Variants in SRGAP1 observed in about 807,000 individuals in gnomAD.
SRGAP1 encodes SLIT-ROBO Rho GTPase-activating protein 1.
Under a neutral mutation model 121.9 loss-of-function variants are expected in SRGAP1, and 43 were observed. The observed-to-expected ratio is 0.35, with a 90% CI of 0.28 to 0.46. The LOEUF (loss-of-function observed/expected upper bound fraction) is 0.46, where lower values mean the gene tolerates loss of function less well. SRGAP1 is among the 20% of genes least tolerant of loss of function. The probability of loss-of-function intolerance (pLI) is 1.00; values close to 1 mark genes in which losing one functional copy is unlikely to be tolerated. For synonymous variants in SRGAP1, 447 were observed against 485.4 expected (o/e 0.92, Z 1.04); for missense variants, 1,102 against 1,350.9 (o/e 0.82, Z 2.89).
chr12:64,057,621 A>G (rs912287514), intron 6 of SRGAP1, among the ~76,000 whole-genome samples: 1 of 152,184 alleles, frequency 6.6e-6, no homozygotes, highest in Non-Finnish European at 1.5e-5. Context: ...GAGTGGATAG[A>G]GTCTATACCC....
chr12:63,847,317 T>C (rs1337403194), intron 1 of SRGAP1, among the ~76,000 whole-genome samples: 1 of 152,078 alleles, frequency 6.6e-6, no homozygotes, highest in Admixed American at 6.6e-5. Context: ...AGTGAGACTC[T>C]GTCTAATAAA....
chr12:64,124,812 CA>C (rs1306085733), intron 18 of SRGAP1, among the ~76,000 whole-genome samples: 1 of 151,898 alleles, frequency 6.6e-6, no homozygotes, highest in Non-Finnish European at 1.5e-5. Context: ...TGTAGATTCA[CA>C]AGCTGTTGTA....
chr12:64,095,065 G>C lies in SRGAP1; in HGVS notation c.1601-62G>C, dbSNP rs74502441. 2.5e-3 allele frequency: 4,073 copies of C among 1,609,302 alleles called. 87 individuals carry two copies. In the African/African-American group the frequency reaches 0.047, roughly 18 times the overall value. On this transcript the variant is annotated intron_variant, in intron 13 of 21. Transcript: ENST00000355086. ...GTGTTTCAGTAAATTTACTTCCTGG[G>C]AAAAGAGGGACCTAGACAATGTGAT...
intron 1 of SRGAP1, among the ~76,000 whole-genome samples, chr12:63,931,696 G>A (rs1054799438): frequency 6.6e-6 from 1 of 152,186 alleles, no homozygotes; most frequent in African/African-American, 2.4e-5. Context: ...AAGGCTGTGT[G>A]TTCAGAAAAA....
At chr12:64,019,305 TTATCAA>T (rs895401067) in intron 4 of SRGAP1, among the ~76,000 whole-genome samples, 7 of 152,156 alleles carry the variant, frequency 4.6e-5, no homozygotes, top group African/African-American at 1.4e-4. Context: ...CTCAGAACTC[TTATCAA>T]TATCAGCCTG....
intron 1 of SRGAP1, among the ~76,000 whole-genome samples, chr12:63,950,500 G>C (rs2032252488): frequency 6.6e-6 from 1 of 151,800 alleles, no homozygotes; most frequent in Non-Finnish European, 1.5e-5. Flanking sequence ...CAGGATGATG[G>C]CTCTAACGTG....
At chr12:64,080,411 A>ATATAT in intron 10 of SRGAP1, 41 bp downstream of exon 10, 1 of 1,401,672 alleles carries the variant, frequency 7.1e-7, no homozygotes, top group Non-Finnish European at 1.0e-6. Flanking sequence ...CCTGGATGAT[A>ATATAT]CATCGTATCA....
intron 6 of SRGAP1, among the ~76,000 whole-genome samples, chr12:64,046,564 A>G (rs964528427): frequency 6.6e-6 from 1 of 152,116 alleles, no homozygotes; most frequent in Non-Finnish European, 1.5e-5. Flanking sequence ...ATGTGTGAAA[A>G]AGAGGATAGA....
chr12:63,867,105 C>G (rs1407595312), intron 1 of SRGAP1, among the ~76,000 whole-genome samples: 2 of 152,176 alleles, frequency 1.3e-5, no homozygotes, highest in African/African-American at 2.4e-5. Flanking sequence ...CTTACCTTGG[C>G]CTTCCAAAGT....
chr12:63,864,402 T>C (rs1318959062), intron 1 of SRGAP1, among the ~76,000 whole-genome samples: 5 of 152,188 alleles, frequency 3.3e-5, no homozygotes, highest in African/African-American at 1.2e-4. Flanking sequence ...AGCACACTCA[T>C]GTAGATTAGT....
rs371799685 is a variant in SRGAP1, at chr12:64,087,056, C to T, written c.1436+30C>T. On this transcript the variant is annotated intron_variant, in intron 11 of 21. Coordinates refer to ENST00000355086, the MANE Select transcript of SRGAP1 (RefSeq NM_020762.4). ...GAAAATATTTTATCATAACTTATAG[C>T]GTATTTTACTTTCTCTTTAACAAGA... 5.9e-6 allele frequency: 9 copies of T among 1,530,106 alleles called. 1 individual carries two copies. The highest frequency in any genetic ancestry group is 3.6e-5 in the South Asian group (3 of 83,420). The allele number at this position is 1,530,106 out of a possible 1,614,324, so 94.8% of individuals were successfully genotyped here.
intron 8 of SRGAP1, among the ~76,000 whole-genome samples, chr12:64,069,342 A>G (rs145081311): frequency 1.2e-3 from 187 of 152,360 alleles, no homozygotes; most frequent in African/African-American, 4.3e-3. Flanking sequence ...AGAGGGCTTA[A>G]TTAAATACGT....
intron 1 of SRGAP1, among the ~76,000 whole-genome samples, chr12:63,847,034 G>GCTAGTCTGT (rs4045070): frequency 0.022 from 3,423 of 152,318 alleles, 55 homozygotes; most frequent in South Asian, 0.04. Context: ...TTATTTACAG[G>GCTAGTCTGT]TATGTGTTTT....
chr12:64,152,728 T>G lies in SRGAP1; in HGVS notation c.*10056T>G, dbSNP rs2037130952. 6.6e-6 allele frequency: 1 copy of G among 152,146 alleles called. No homozygotes were observed. The highest frequency in any genetic ancestry group is 1.5e-5 in the Non-Finnish European group (1 of 68,052). The allele number at this position is 152,146 out of a possible 1,614,324, so 9.4% of individuals were successfully genotyped here. A position where few individuals can be genotyped will look rare whatever the true frequency, so the allele number is the denominator to read the frequency against. ...CTGACAACTGCCTGTTGAAATTATA[T>G]TCATCATTCCAAACCCAACAAAATG... On this transcript the variant is annotated 3_prime_UTR_variant, in exon 22 of 22. Coordinates refer to ENST00000355086, the MANE Select transcript of SRGAP1 (RefSeq NM_020762.4).
chr12:64,028,761 G>T lies in SRGAP1; in HGVS notation c.489+11749G>T, dbSNP rs552604324. 2.6e-5 allele frequency among the ~76,000 whole-genome samples: 4 copies of T among 152,276 alleles called. No homozygotes were observed. The South Asian group carries it at 6.2e-4, about 24-fold the overall frequency. On this transcript the variant is annotated intron_variant, in intron 4 of 21. Transcript: ENST00000355086. Reference sequence around the variant, plus strand: ...CTCTGCTCCCATGACTGATCACCCTGGTTATGTCCCCCCAATCCTGTCATC... The same window carrying T: ...CTCTGCTCCCATGACTGATCACCCTTGTTATGTCCCCCCAATCCTGTCATC...
chr12:63,858,885 T>G (rs1899347004), intron 1 of SRGAP1, among the ~76,000 whole-genome samples: 1 of 152,076 alleles, frequency 6.6e-6, no homozygotes, highest in Non-Finnish European at 1.5e-5. Context: ...GTATTTTTAG[T>G]AGAGACAGGG....
At chr12:63,966,656 T>A (rs1296815411) in intron 1 of SRGAP1, among the ~76,000 whole-genome samples, 2 of 152,128 alleles carry the variant, frequency 1.3e-5, no homozygotes, top group Non-Finnish European at 2.9e-5. Context: ...GTGGTTTTAA[T>A]AGAATATCTT....
In SRGAP1 at chr12:63,904,408, T is replaced by C. The variant is rs557436296; in HGVS notation, c.67+59525T>C. Among the ~76,000 whole-genome samples, 6 of 152,250 alleles carry C rather than the reference T, an allele frequency of 3.9e-5. No homozygotes were observed. In the South Asian group the frequency reaches 8.3e-4, roughly 21 times the overall value. ...TGTTCTATTGATTGGAATGCGAACA[T>C]GATGGCAGGAACTGAAGCAGTGTCT... On this transcript the variant is annotated intron_variant, in intron 1 of 21. Transcript: ENST00000355086.
intron 7 of SRGAP1, among the ~76,000 whole-genome samples, chr12:64,064,734 G>A (rs911331559): frequency 2.0e-5 from 3 of 152,166 alleles, no homozygotes; most frequent in African/African-American, 7.2e-5. Flanking sequence ...ACCCTAACCA[G>A]TAAGCCCTGC....
Sources: allele counts gnomAD v4.1 joint callset (sites outside exome capture counted in the v4.1 genomes callset), GRCh38; gene constraint gnomAD v4.1.1; transcripts MANE v1.5; gene names NCBI Gene and HGNC (gene_info 2026-07-23, HGNC 2026-07-21).